EEFSEC: variants seen among roughly 807,000 people sequenced by gnomAD.
EEFSEC encodes eukaryotic elongation factor, selenocysteine-tRNA specific, also known as selenocysteine-specific elongation factor.
EEFSEC carries 43 observed loss-of-function variants against 42.1 expected under a neutral mutation model. The ratio of observed to expected loss-of-function variants is 1.02; its 90% CI spans 0.80 to 1.32. The LOEUF (loss-of-function observed/expected upper bound fraction) is 1.32. Ranked by LOEUF, EEFSEC falls within the 40% of genes most tolerant of loss-of-function variation. The pLI is 0.00. For synonymous variants in EEFSEC, 354 were observed against 339.1 expected (o/e 1.04, Z -0.48); for missense variants, 745 against 803.6 (o/e 0.93, Z 0.88).
In EEFSEC at chr3:128,207,566, TACACAC is replaced by T. The variant is rs10574435; in HGVS notation, c.317-39237_317-39232del. Among the ~76,000 whole-genome samples the T allele has an allele frequency of 0.032, 4,520 of 142,504 alleles. 383 individuals carry two copies. The East Asian group carries it at 0.36, about 11-fold the overall frequency. The allele number at this position is 142,504 out of a possible 152,430, so 93.5% of individuals were successfully genotyped here. A position where few individuals can be genotyped will look rare whatever the true frequency, so the allele number is the denominator to read the frequency against. On this transcript the variant is annotated intron_variant, in intron 1 of 6. Transcript: ENST00000254730. ...TCCCCTCTCCCACAGACACATTGCA[TACACAC>T]ACACACACACACACACACACACACA...
chr3:128,267,832 C>A (rs181648224), intron 4 of EEFSEC, among the ~76,000 whole-genome samples: 1 of 152,198 alleles, frequency 6.6e-6, no homozygotes, highest in Non-Finnish European at 1.5e-5. Context: ...ATGCGGAGAG[C>A]CGTCTTGGCT....
intron 6 of EEFSEC, among the ~76,000 whole-genome samples, chr3:128,362,789 C>T (rs960022699): frequency 6.6e-5 from 10 of 152,204 alleles, no homozygotes; most frequent in South Asian, 2.1e-4. Flanking sequence ...AGGCCACAGC[C>T]GCGGCCTCAT....
At chr3:128,259,690 T>C in intron 2 of EEFSEC, among the ~76,000 whole-genome samples, 1 of 152,210 alleles carries the variant, frequency 6.6e-6, no homozygotes, top group South Asian at 2.1e-4. Context: ...ACTAATCTCC[T>C]TTCTGTTTTA....
intron 6 of EEFSEC, among the ~76,000 whole-genome samples, chr3:128,400,777 C>A (rs547823561): frequency 6.6e-6 from 1 of 152,350 alleles, no homozygotes; most frequent in East Asian, 1.9e-4. Context: ...CAGGGCGGCA[C>A]CATGGCTAGG....
chr3:128,263,700 T>C (rs1358479072), intron 3 of EEFSEC, among the ~76,000 whole-genome samples: 2 of 152,248 alleles, frequency 1.3e-5, no homozygotes, highest in African/African-American at 2.4e-5. Context: ...GAATACTTTT[T>C]TGACAGCCTG....
At chr3:128,342,035 A>C (rs1305417120) in intron 5 of EEFSEC, 146 bp downstream of exon 5, 12 of 1,174,122 alleles carry the variant, frequency 1.0e-5, no homozygotes, top group Non-Finnish European at 1.4e-5. Flanking sequence ...AAGGCATCTG[A>C]TGCCCAGAAT....
intron 1 of EEFSEC, among the ~76,000 whole-genome samples, chr3:128,183,635 A>G (rs1395819957): frequency 6.6e-6 from 1 of 152,194 alleles, no homozygotes; most frequent in African/African-American, 2.4e-5. Context: ...ATTGATAGCA[A>G]TACTTACCTT....
At chr3:128,422,725 C>G in the EEFSEC span, among the ~76,000 whole-genome samples, 1 of 152,222 alleles carries the variant, frequency 6.6e-6, no homozygotes, top group East Asian at 1.9e-4. Flanking sequence ...ACATCCCGTC[C>G]CCTGACAAGG....
At chr3:128,318,180 A>C (rs2066968419) in intron 4 of EEFSEC, among the ~76,000 whole-genome samples, 1 of 152,212 alleles carries the variant, frequency 6.6e-6, no homozygotes, top group South Asian at 2.1e-4. Flanking sequence ...CCCTCCCGTG[A>C]TGGACTGCTG....
chr3:128,345,307 C>T (rs1192481981), intron 5 of EEFSEC, among the ~76,000 whole-genome samples: 2 of 152,072 alleles, frequency 1.3e-5, no homozygotes, highest in Non-Finnish European at 2.9e-5. Flanking sequence ...CACTCTTTTC[C>T]CTGGGACTCC....
chr3:128,220,811 G>A (rs1368286583), intron 1 of EEFSEC, among the ~76,000 whole-genome samples: 2 of 152,218 alleles, frequency 1.3e-5, no homozygotes, highest in Non-Finnish European at 2.9e-5. Flanking sequence ...CCTCTTCAGT[G>A]CTGTATGTGC....
At chr3:128,212,695 G>A (rs771648466) in intron 1 of EEFSEC, among the ~76,000 whole-genome samples, 8 of 152,156 alleles carry the variant, frequency 5.3e-5, no homozygotes, top group Non-Finnish European at 8.8e-5. Context: ...AATGGCATTC[G>A]AGAGGAGTAA....
At chr3:128,190,179 A>C in intron 1 of EEFSEC, among the ~76,000 whole-genome samples, 1 of 152,212 alleles carries the variant, frequency 6.6e-6, no homozygotes, top group East Asian at 1.9e-4. Flanking sequence ...TCTACTTCTA[A>C]CAACAAAAAT....
the EEFSEC span, among the ~76,000 whole-genome samples, chr3:128,414,687 A>G: frequency 2.0e-5 from 3 of 152,216 alleles, no homozygotes; most frequent in African/African-American, 7.2e-5. Context: ...CGTCAATGCC[A>G]TCATCACCTC....
chr3:128,306,307 ATTGT>A (rs1023662219), intron 4 of EEFSEC, among the ~76,000 whole-genome samples: 1 of 152,198 alleles, frequency 6.6e-6, no homozygotes, highest in African/African-American at 2.4e-5. Context: ...TATTTTATAA[ATTGT>A]TTGTTTTTGC....
At chr3:128,190,514 G>T (rs1425707347) in intron 1 of EEFSEC, among the ~76,000 whole-genome samples, 1 of 152,164 alleles carries the variant, frequency 6.6e-6, no homozygotes, top group African/African-American at 2.4e-5. Context: ...TTTAAGCTAA[G>T]TGTTATTACA....
intron 2 of EEFSEC, among the ~76,000 whole-genome samples, chr3:128,248,197 C>T (rs761509088): frequency 2.6e-4 from 39 of 152,316 alleles, no homozygotes; most frequent in Non-Finnish European, 1.8e-4. Context: ...TACTAAATAG[C>T]GGTCACTGGG....
chr3:128,210,051 T>A (rs1576547197), intron 1 of EEFSEC, among the ~76,000 whole-genome samples: 1 of 152,198 alleles, frequency 6.6e-6, no homozygotes, highest in African/African-American at 2.4e-5. Context: ...TTATGGATGG[T>A]GGTGGTTCCG....
At chr3:128,291,374 G>T (rs781174864) in intron 4 of EEFSEC, among the ~76,000 whole-genome samples, 11 of 152,096 alleles carry the variant, frequency 7.2e-5, no homozygotes, top group Admixed American at 2.6e-4. Context: ...GGTCTTGAGG[G>T]CTCCACCCTC....
Sources: allele counts gnomAD v4.1 joint callset (sites outside exome capture counted in the v4.1 genomes callset), GRCh38; gene constraint gnomAD v4.1.1; transcripts MANE v1.5; gene names NCBI Gene and HGNC (gene_info 2026-07-23, HGNC 2026-07-21).